The following MAP3K21 variants were observed in gnomAD, a reference collection of about 807,000 sequenced individuals.
The protein encoded by MAP3K21 is mitogen-activated protein kinase kinase kinase MLK4.
A neutral mutation model predicts 86.1 loss-of-function variants in MAP3K21; 63 were observed. The ratio of observed to expected loss-of-function variants is 0.73; its 90% CI spans 0.60 to 0.90. MAP3K21 has a LOEUF of 0.90. Ranked by LOEUF, MAP3K21 falls within the 40% of genes least tolerant of loss-of-function variation. The probability of loss-of-function intolerance (pLI) is 0.00; values close to 1 mark genes in which losing one functional copy is unlikely to be tolerated. For synonymous variants in MAP3K21, 558 were observed against 564.8 expected (o/e 0.99, Z 0.17); for missense variants, 1,220 against 1,367.7 (o/e 0.89, Z 1.70).
At chr1:233,352,592 G>T (rs181211351) in intron 2 of MAP3K21, among the ~76,000 whole-genome samples, 1 of 151,898 alleles carries the variant, frequency 6.6e-6, no homozygotes, top group East Asian at 1.9e-4. Context: ...CACCATGCCC[G>T]GGTCATTTTT....
At chr1:233,370,009 G>T (rs1663654125) in intron 5 of MAP3K21, among the ~76,000 whole-genome samples, 1 of 152,142 alleles carries the variant, frequency 6.6e-6, no homozygotes. Context: ...TTAAGCAGGG[G>T]AATGACATGT....
chr1:233,356,774 A>G lies in MAP3K21; in HGVS notation c.1311+1763A>G, dbSNP rs190516567. ...TGTATAGTTCAGTAAGTCCTCACTCAATGTTGTGGATAGGCTCTTGGAAAC... is the reference window on the plus strand; with the variant it reads ...TGTATAGTTCAGTAAGTCCTCACTCGATGTTGTGGATAGGCTCTTGGAAAC... On this transcript the variant is annotated intron_variant, in intron 4 of 9. Coordinates refer to ENST00000366624, the MANE Select transcript of MAP3K21 (RefSeq NM_032435.3). 8.5e-5 allele frequency among the ~76,000 whole-genome samples: 13 copies of G among 152,312 alleles called. No homozygotes were observed. The East Asian group carries it at 2.5e-3, about 29-fold the overall frequency.
intron 2 of MAP3K21, 80 bp downstream of exon 2, chr1:233,346,702 T>G: frequency 7.9e-7 from 1 of 1,260,634 alleles, no homozygotes; most frequent in Non-Finnish European, 1.1e-6. Context: ...ATTCAGTAAT[T>G]CTCAGCATAA....
chr1:233,348,829 C>T (rs1469782759), intron 2 of MAP3K21, among the ~76,000 whole-genome samples: 6 of 152,132 alleles, frequency 3.9e-5, no homozygotes, highest in East Asian at 1.9e-4. Flanking sequence ...TTGTAAGTGC[C>T]GGAACCTTTT....
chr1:233,343,786 C>T (rs529377279), intron 1 of MAP3K21, among the ~76,000 whole-genome samples: 5 of 152,194 alleles, frequency 3.3e-5, no homozygotes, highest in South Asian at 4.1e-4. Context: ...ATAGCATTGT[C>T]GTATGGGTTA....
rs1558450999 is a variant in MAP3K21, at chr1:233,339,309, CTTCT to C, written c.806-7131_806-7128del. On this transcript the variant is annotated intron_variant, in intron 1 of 9. Transcript: ENST00000366624. ...TCTTCTTCCTCTTCTTCTTCCTCTTCTTCTTCCTCTTCTTCTTCTTCCTCTTCTT... is the reference window on the plus strand; with the variant it reads ...TCTTCTTCCTCTTCTTCTTCCTCTTCTCCTCTTCTTCTTCTTCCTCTTCTT... Among the ~76,000 whole-genome samples the C allele has an allele frequency of 2.7e-4, 38 of 140,780 alleles. 1 individual carries two copies. The highest frequency in any genetic ancestry group is 4.2e-4 in the Non-Finnish European group (27 of 63,572). 92.4% of individuals were successfully genotyped at this position (140,780 alleles called of 152,430 possible). A position where few individuals can be genotyped will look rare whatever the true frequency, so the allele number is the denominator to read the frequency against.
chr1:233,372,286 G>A, intron 6 of MAP3K21, 126 bp downstream of exon 6: 2 of 1,050,890 alleles, frequency 1.9e-6, no homozygotes, highest in Non-Finnish European at 2.7e-6. Flanking sequence ...TTTCGTAGGT[G>A]CCACAACTAT....
intron 1 of MAP3K21, among the ~76,000 whole-genome samples, chr1:233,335,694 A>G (rs377482105): frequency 1.3e-5 from 2 of 152,346 alleles, no homozygotes; most frequent in South Asian, 2.1e-4. Flanking sequence ...ATTTGCTTTC[A>G]GGACTCCCAA....
chr1:233,380,724 CA>C (rs1663897627), intron 9 of MAP3K21, among the ~76,000 whole-genome samples: 1 of 152,200 alleles, frequency 6.6e-6, no homozygotes, highest in Non-Finnish European at 1.5e-5. Context: ...AGCACTTGGA[CA>C]TAAATTGTCT....
intron 2 of MAP3K21, among the ~76,000 whole-genome samples, chr1:233,352,809 G>A (rs1410246914): frequency 6.6e-6 from 1 of 152,158 alleles, no homozygotes; most frequent in Non-Finnish European, 1.5e-5. Flanking sequence ...CATCTGGAGT[G>A]ACTCTCATTC....
At chr1:233,362,627 G>A (rs536140713) in intron 5 of MAP3K21, among the ~76,000 whole-genome samples, 1 of 152,030 alleles carries the variant, frequency 6.6e-6, no homozygotes, top group East Asian at 1.9e-4. Flanking sequence ...ATGTCATGTG[G>A]CATTGTGAAG....
chr1:233,359,606 C>T (rs1663429045), intron 4 of MAP3K21, among the ~76,000 whole-genome samples: 1 of 152,194 alleles, frequency 6.6e-6, no homozygotes, highest in Non-Finnish European at 1.5e-5. Flanking sequence ...CCTCCCTAAA[C>T]TCCTGGCTCC....
chr1:233,370,592 T>C (rs1405289307), intron 5 of MAP3K21, among the ~76,000 whole-genome samples: 7 of 152,196 alleles, frequency 4.6e-5, no homozygotes, highest in African/African-American at 1.7e-4. Context: ...TTCATTAAAG[T>C]TCTTTAAAGT....
rs1663964768 is a variant in MAP3K21 at position 233,384,096 on chromosome 1, C to CA, written c.*1388dup. 6.6e-6 allele frequency: 1 copy of CA among 152,072 alleles called. No homozygotes were observed. The highest frequency in any genetic ancestry group is 2.1e-4 in the South Asian group (1 of 4,832). 9.4% of individuals were successfully genotyped at this position (152,072 alleles called of 1,614,324 possible). ...CAGACAATCGACATTTAAATTTTTC[C>CA]AAACAATGAAAAACTAAATTAAAAA... On this transcript the variant is annotated 3_prime_UTR_variant, in exon 10 of 10. Coordinates refer to ENST00000366624, the MANE Select transcript of MAP3K21 (RefSeq NM_032435.3).
At chr1:233,359,654 G>C (rs971042102) in intron 4 of MAP3K21, among the ~76,000 whole-genome samples, 3 of 152,182 alleles carry the variant, frequency 2.0e-5, no homozygotes, top group Non-Finnish European at 2.9e-5. Flanking sequence ...TTTTGTGCAT[G>C]CACCTGTCTG....
chr1:233,346,006 T>C (rs911795442), intron 1 of MAP3K21, among the ~76,000 whole-genome samples: 2 of 152,240 alleles, frequency 1.3e-5, no homozygotes, highest in African/African-American at 2.4e-5. Context: ...GCAAATTTAA[T>C]GTAAGATAAT....
intron 2 of MAP3K21, 21 bp from the exon 3 acceptor site, chr1:233,353,786 T>C: frequency 2.6e-6 from 4 of 1,559,792 alleles, no homozygotes; most frequent in Non-Finnish European, 3.5e-6. Context: ...CCATTGAGCA[T>C]ATGAAATCCT....
In MAP3K21 at chr1:233,382,593, C is replaced by T; in HGVS notation, c.2993C>T (p.Ser998Leu). The T allele has an allele frequency of 1.9e-6, 3 of 1,614,196 alleles. No individual in the cohort carries two copies. The South Asian group carries it at 3.3e-5, about 18-fold the overall frequency. Residue 998 changes from serine to leucine, a missense_variant, in exon 10 of 10, where the codon TCA becomes TTA. This residue lies in a region of MAP3K21 where 632 missense variants were observed against 691.3 expected (regional missense o/e 0.91). Coordinates refer to ENST00000366624, the MANE Select transcript of MAP3K21 (RefSeq NM_032435.3). ...AKERTKSHVP[S>L]LLDADVEGQS... ...GAGAGAACTAAATCCCATGTGCCTTCATTACTGGATGCTGACGTGGAAGGT... is the reference window on the plus strand; with the variant it reads ...GAGAGAACTAAATCCCATGTGCCTTTATTACTGGATGCTGACGTGGAAGGT...
chr1:233,376,386 TTGTGTGCTTCTA>T, intron 7 of MAP3K21, 32 bp from the exon 8 acceptor site: 1 of 1,358,762 alleles, frequency 7.4e-7, no homozygotes, highest in East Asian at 2.3e-5. Flanking sequence ...AATTGGTGTG[TTGTGTGCTTCTA>T]TCTTATGAAA....
Sources: gnomAD v4.1 joint callset for allele counts (sites outside exome capture counted in the v4.1 genomes callset) on GRCh38, gnomAD v4.1.1 for gene constraint, gnomAD v4.1.1 regional missense constraint, MANE v1.5 for transcripts, NCBI Gene and HGNC (gene_info 2026-07-23, HGNC 2026-07-21) for gene names.